Variants in CREB5 observed in about 807,000 individuals in gnomAD.
CREB5 encodes the protein cyclic AMP-responsive element-binding protein 5.
Under a neutral mutation model 57.1 loss-of-function variants are expected in CREB5, and 19 were observed. The ratio of observed to expected loss-of-function variants is 0.33; its 90% CI spans 0.23 to 0.49. The LOEUF (loss-of-function observed/expected upper bound fraction) is 0.49, where lower values mean the gene tolerates loss of function less well. Ranked by LOEUF, CREB5 falls within the 20% of genes least tolerant of loss-of-function variation. The pLI, the probability that CREB5 is intolerant of heterozygous loss-of-function variation, is 0.99. For synonymous variants in CREB5, 238 were observed against 238.3 expected (o/e 1.00, Z 0.01); for missense variants, 579 against 671.6 (o/e 0.86, Z 1.52).
At chr7:28,503,078 C>T (rs1219878749) in intron 3 of CREB5, among the ~76,000 whole-genome samples, 6 of 152,222 alleles carry the variant, frequency 3.9e-5, no homozygotes. Context: ...ATAGGAAGCG[C>T]TAAGAGTCGC....
intron 1 of CREB5, among the ~76,000 whole-genome samples, chr7:28,466,449 A>G (rs1316178016): frequency 6.6e-6 from 1 of 152,154 alleles, no homozygotes; most frequent in Non-Finnish European, 1.5e-5. Flanking sequence ...CTCTCCTGCT[A>G]TTGTTTACCT....
At chr7:28,424,410 A>G (rs568361507) in intron 1 of CREB5, among the ~76,000 whole-genome samples, 2 of 152,308 alleles carry the variant, frequency 1.3e-5, no homozygotes, top group Admixed American at 6.5e-5. Flanking sequence ...TTTTTTTAGC[A>G]CATGCTGAAA....
At chr7:28,525,551 T>A (rs1392945514) in intron 4 of CREB5, among the ~76,000 whole-genome samples, 1 of 152,094 alleles carries the variant, frequency 6.6e-6, no homozygotes, top group Non-Finnish European at 1.5e-5. Flanking sequence ...CTCATTGTGG[T>A]TTTGATTTGC....
chr7:28,591,810 C>T (rs1251094214), intron 5 of CREB5, among the ~76,000 whole-genome samples: 1 of 152,134 alleles, frequency 6.6e-6, no homozygotes, highest in Non-Finnish European at 1.5e-5. Flanking sequence ...TAATATAGTA[C>T]TGGTAATACT....
intron 5 of CREB5, among the ~76,000 whole-genome samples, chr7:28,675,558 G>A (rs1289434327): frequency 1.3e-5 from 2 of 152,298 alleles, no homozygotes; most frequent in African/African-American, 4.8e-5. Context: ...AAGGGGAGAC[G>A]AGAGAGAAAC....
At chr7:28,665,359 G>A (rs1440004222) in intron 5 of CREB5, among the ~76,000 whole-genome samples, 3 of 152,132 alleles carry the variant, frequency 2.0e-5, no homozygotes, top group Non-Finnish European at 4.4e-5. Flanking sequence ...GAAACAACTT[G>A]CAGAAACATC....
intron 1 of CREB5, among the ~76,000 whole-genome samples, chr7:28,355,669 A>G (rs1562671873): frequency 6.6e-6 from 1 of 152,204 alleles, no homozygotes; most frequent in African/African-American, 2.4e-5. Context: ...CAGCATACCC[A>G]TGCCAACAGC....
At chr7:28,373,928 T>A (rs1786768461) in intron 1 of CREB5, among the ~76,000 whole-genome samples, 2 of 151,300 alleles carry the variant, frequency 1.3e-5, no homozygotes. Context: ...TATATATGTA[T>A]AACTTTCTAG....
At chr7:28,486,562 C>T (rs13242375) in intron 1 of CREB5, among the ~76,000 whole-genome samples, 6 of 149,646 alleles carry the variant, frequency 4.0e-5, no homozygotes, top group Non-Finnish European at 7.4e-5. Flanking sequence ...TTAGCAGCAA[C>T]GTACAAATCG....
intron 7 of CREB5, among the ~76,000 whole-genome samples, chr7:28,789,439 C>G (rs866244860): frequency 2.0e-5 from 3 of 152,128 alleles, no homozygotes; most frequent in Admixed American, 6.5e-5. Flanking sequence ...CTGGGGATGT[C>G]TTAGTTTCAA....
Position 28,818,094 on chromosome 7 carries a change from T to A in CREB5, c.1278T>A (p.Asn426Lys). 6.2e-7 allele frequency: 1 copy of A among 1,613,608 alleles called. No homozygotes were observed. The highest frequency in any genetic ancestry group is 1.1e-5 in the South Asian group (1 of 91,028). Residue 426 changes from asparagine (N) to lysine (K), a missense_variant, in exon 10 of 11, where the codon AAT becomes AAA. By Grantham distance (94) the Asn-to-Lys change is moderately conservative. Around this residue, in one of 3 missense-constraint regions of CREB5, gnomAD observed 114 missense variants for 130.8 expected, o/e 0.87. Coordinates refer to ENST00000357727, the MANE Select transcript of CREB5 (RefSeq NM_182898.4). ...QLQNEVSMLKNEVAQLKQLLL... is the reference protein window; with the variant it reads ...QLQNEVSMLKKEVAQLKQLLL... The stretch of plus-strand genomic sequence containing the variant: ...AGAATGAAGTGTCTATGTTGAAAAA[T>A]GAGGTGGCCCAGCTGAAACAGTTGT...
At chr7:28,597,611 G>A (rs1796734758) in intron 5 of CREB5, among the ~76,000 whole-genome samples, 1 of 152,072 alleles carries the variant, frequency 6.6e-6, no homozygotes, top group South Asian at 2.1e-4. Context: ...CTTTTAATTT[G>A]GTGTTGGACC....
At chr7:28,466,105 A>C (rs368004392) in intron 1 of CREB5, among the ~76,000 whole-genome samples, 1 of 152,090 alleles carries the variant, frequency 6.6e-6, no homozygotes, top group African/African-American at 2.4e-5. Context: ...CATTTAGAAA[A>C]AGTGTTATGT....
chr7:28,451,191 C>A lies in CREB5; in HGVS notation c.4-36984C>A, dbSNP rs146136262. ...TTATGATTCAGAGGGAGGGTCTCTG[C>A]TTGGTAATTCTCCTCCTGGAAGAAC... On this transcript the variant is annotated intron_variant, in intron 1 of 10. Transcript: ENST00000357727. 2.9e-3 allele frequency among the ~76,000 whole-genome samples: 439 copies of A among 152,198 alleles called. 4 individuals are homozygous for A. Among genetic ancestry groups the A allele is most frequent in the African/African-American group, 0.01 (432 of 41,526 alleles).
intron 4 of CREB5, among the ~76,000 whole-genome samples, chr7:28,563,293 C>A (rs1008510166): frequency 7.9e-5 from 12 of 152,160 alleles, no homozygotes; most frequent in African/African-American, 2.9e-4. Flanking sequence ...TGTGCTGGGA[C>A]ATCCGTCATC....
intron 5 of CREB5, among the ~76,000 whole-genome samples, chr7:28,618,580 C>T (rs1247519516): frequency 6.6e-6 from 1 of 152,150 alleles, no homozygotes; most frequent in African/African-American, 2.4e-5. Flanking sequence ...TCTAGGTAAT[C>T]CTGCGGGACC....
intron 5 of CREB5, among the ~76,000 whole-genome samples, chr7:28,586,540 T>C (rs759898391): frequency 3.9e-5 from 6 of 152,278 alleles, no homozygotes; most frequent in East Asian, 1.9e-4. Flanking sequence ...TCTATTCTTT[T>C]GGAGCTTTCT....
chr7:28,435,776 G>A (rs1788935876), intron 1 of CREB5: 1 of 581,966 alleles, frequency 1.7e-6, no homozygotes, highest in African/African-American at 2.0e-5. Flanking sequence ...AGATGCTCTG[G>A]TATGAAACCA....
In CREB5 at chr7:28,455,885, G is replaced by A. The variant is rs56260247; in HGVS notation, c.4-32290G>A. 6.3e-3 allele frequency among the ~76,000 whole-genome samples: 963 copies of A among 152,302 alleles called. 5 individuals are homozygous for A. Among genetic ancestry groups the A allele is most frequent in the Non-Finnish European group, 0.01 (707 of 68,030 alleles). On this transcript the variant is annotated intron_variant, in intron 1 of 10. Transcript: ENST00000357727. ...TTGTGCCCGACACTGGTGGATGTGG[G>A]TAGAGATCTGCATGCATTTCACTCC...
Sources: allele counts gnomAD v4.1 joint callset (sites outside exome capture counted in the v4.1 genomes callset), GRCh38; gene constraint gnomAD v4.1.1; regional missense constraint gnomAD v4.1.1; transcripts MANE v1.5; gene names NCBI Gene and HGNC (gene_info 2026-07-23, HGNC 2026-07-21).